Variants in PAX5 observed in about 807,000 individuals in gnomAD.
PAX5 encodes the protein paired box protein Pax-5.
PAX5 carries 9 observed loss-of-function variants against 43.7 expected under a neutral mutation model. The ratio of observed to expected loss-of-function variants is 0.21; its 90% CI spans 0.12 to 0.36. PAX5 has a LOEUF of 0.36. PAX5 is among the 10% of genes least tolerant of loss of function. The pLI is 1.00. For missense variants in PAX5, 383 were observed against 532.7 expected (o/e 0.72, Z 2.77); for synonymous variants, 228 against 214.3 (o/e 1.06, Z -0.56).
intron 7 of PAX5, among the ~76,000 whole-genome samples, chr9:36,885,543 AG>A (rs972076893): frequency 6.6e-6 from 1 of 152,140 alleles, no homozygotes; most frequent in Admixed American, 6.5e-5. Flanking sequence ...TATTTTACTG[AG>A]GGGGAAACTG....
At chr9:37,018,788 G>A (rs779634983) in intron 2 of PAX5, among the ~76,000 whole-genome samples, 1 of 152,132 alleles carries the variant, frequency 6.6e-6, no homozygotes, top group Non-Finnish European at 1.5e-5. Flanking sequence ...TAACTTCCGA[G>A]TGCCACTCTA....
At position 36,974,109 on chromosome 9, in the gene PAX5, G is replaced by A. The variant is rs141226077; in HGVS notation, c.605-7385C>T. Among the ~76,000 whole-genome samples, 45 of 152,302 alleles carry A rather than the reference G, an allele frequency of 3.0e-4. 1 individual carries two copies. The East Asian group carries it at 7.5e-3, about 25-fold the overall frequency. On this transcript the variant is annotated intron_variant, in intron 5 of 9. Coordinates refer to ENST00000358127, the MANE Select transcript of PAX5 (RefSeq NM_016734.3). The stretch of plus-strand genomic sequence containing the variant: ...GCAAGAGGATTGCTTGAGCCCAGGA[G>A]TTCAAGGCTTCAGTGAGCTACAATG...
chr9:36,941,108 G>A (rs182006149), intron 6 of PAX5, among the ~76,000 whole-genome samples: 6 of 152,328 alleles, frequency 3.9e-5, no homozygotes, highest in Non-Finnish European at 7.3e-5. Context: ...ACGGATTAGC[G>A]TGCAAGGGCG....
At chr9:36,964,464 C>A (rs1194385021) in intron 6 of PAX5, among the ~76,000 whole-genome samples, 1 of 150,514 alleles carries the variant, frequency 6.6e-6, no homozygotes, top group Non-Finnish European at 1.5e-5. Context: ...TGGTGGCAGG[C>A]ACCTGTAATC....
At chr9:37,024,850 C>T (rs886722031) in intron 1 of PAX5, among the ~76,000 whole-genome samples, 36 of 152,174 alleles carry the variant, frequency 2.4e-4, no homozygotes, top group African/African-American at 8.4e-4. Context: ...TCTGGGCCAC[C>T]GAGCGCTGGG....
At chr9:37,004,862 C>T (rs1838253485) in intron 4 of PAX5, among the ~76,000 whole-genome samples, 1 of 152,196 alleles carries the variant, frequency 6.6e-6, no homozygotes, top group Non-Finnish European at 1.5e-5. Context: ...GGCCCCACCA[C>T]TTACTGGCAA....
At chr9:36,944,885 G>A (rs16933784) in intron 6 of PAX5, among the ~76,000 whole-genome samples, 11,195 of 152,294 alleles carry the variant, frequency 0.074, 513 homozygotes, top group East Asian at 0.11. Context: ...ACCGGGGACC[G>A]GAGGGATGCT....
intron 1 of PAX5, among the ~76,000 whole-genome samples, chr9:37,025,594 C>T (rs1387540536): frequency 6.6e-6 from 1 of 152,210 alleles, no homozygotes; most frequent in Non-Finnish European, 1.5e-5. Flanking sequence ...GCGATTCGTT[C>T]CACTTGGAAT....
At chr9:36,858,766 G>A (rs1052802240) in intron 8 of PAX5, among the ~76,000 whole-genome samples, 12 of 152,220 alleles carry the variant, frequency 7.9e-5, no homozygotes, top group African/African-American at 2.9e-4. Context: ...GCCCAAAGCT[G>A]ACTTACTTTC....
intron 7 of PAX5, among the ~76,000 whole-genome samples, chr9:36,899,021 A>C (rs1828132364): frequency 6.6e-6 from 1 of 151,468 alleles, no homozygotes. Flanking sequence ...TGAAGTCCAG[A>C]CCCCTCATGC....
intron 6 of PAX5, among the ~76,000 whole-genome samples, chr9:36,955,042 A>G (rs989122216): frequency 1.1e-4 from 16 of 152,052 alleles, no homozygotes; most frequent in South Asian, 2.1e-4. Context: ...TCACATCATA[A>G]TTTTTATTTC....
At chr9:36,979,594 C>T (rs936288094) in intron 5 of PAX5, among the ~76,000 whole-genome samples, 2 of 152,150 alleles carry the variant, frequency 1.3e-5, no homozygotes, top group Non-Finnish European at 2.9e-5. Context: ...CAGGAGATTA[C>T]GATTCCCATT....
In PAX5 at chr9:36,881,990, C is replaced by A. The variant is rs1159153354; in HGVS notation, c.1012+14G>T. 2 of 1,598,530 alleles carry A rather than the reference C, an allele frequency of 1.3e-6. No homozygotes were observed. Among genetic ancestry groups the A allele is most frequent in the East Asian group, 4.5e-5 (2 of 44,384 alleles). Reference sequence around the variant, plus strand: ...CCGCTGCCTGCTGTGGAGACGCCGACAGTGCAAACTCACCAGGCACCATCC... The same window carrying A: ...CCGCTGCCTGCTGTGGAGACGCCGAAAGTGCAAACTCACCAGGCACCATCC... On this transcript the variant is annotated intron_variant, in intron 8 of 9. Transcript: ENST00000358127.
chr9:36,925,565 T>C (rs1830581298), intron 6 of PAX5, among the ~76,000 whole-genome samples: 1 of 152,140 alleles, frequency 6.6e-6, no homozygotes, highest in Non-Finnish European at 1.5e-5. Context: ...ATGGACTCTT[T>C]AATAAACAGA....
intron 7 of PAX5, among the ~76,000 whole-genome samples, chr9:36,897,375 C>T (rs1827960079): frequency 1.3e-5 from 2 of 152,104 alleles, no homozygotes; most frequent in Non-Finnish European, 2.9e-5. Context: ...CCATGAGCCT[C>T]CAGGGGGACC....
intron 5 of PAX5, among the ~76,000 whole-genome samples, chr9:36,993,392 G>A (rs1049508362): frequency 6.6e-6 from 1 of 152,136 alleles, no homozygotes. Flanking sequence ...AGAGTTTAAA[G>A]GGACCCAGGA....
At chr9:36,940,022 C>A in intron 6 of PAX5, among the ~76,000 whole-genome samples, 1 of 152,220 alleles carries the variant, frequency 6.6e-6, no homozygotes, top group East Asian at 1.9e-4. Context: ...GCAAATCCTG[C>A]AAGGCACCCA....
In PAX5 at chr9:36,897,790, T is replaced by C. The variant is rs114291040; in HGVS notation, c.911-15685A>G. ...TTCTTCCAGTAGTCCAGGGCGCTCA[T>C]GTCCCTGATGACGAGAATTACAACA... On this transcript the variant is annotated intron_variant, in intron 7 of 9. Transcript: ENST00000358127. 6.8e-3 allele frequency among the ~76,000 whole-genome samples: 1,043 copies of C among 152,334 alleles called. 11 individuals are homozygous for C. The highest frequency in any genetic ancestry group is 0.025 in the African/African-American group (1,022 of 41,584).
At chr9:36,847,358 A>G (rs1822693661) in intron 8 of PAX5, among the ~76,000 whole-genome samples, 1 of 152,150 alleles carries the variant, frequency 6.6e-6, no homozygotes, top group Non-Finnish European at 1.5e-5. Flanking sequence ...AGGACCCCAG[A>G]ATGGGCTCAG....
Sources: allele counts gnomAD v4.1 joint callset (sites outside exome capture counted in the v4.1 genomes callset), GRCh38; gene constraint gnomAD v4.1.1; transcripts MANE v1.5; gene names NCBI Gene and HGNC (gene_info 2026-07-23, HGNC 2026-07-21).